The following DCDC1 variants were observed in gnomAD, a reference collection of about 807,000 sequenced individuals.
The protein encoded by DCDC1 is doublecortin domain-containing protein 1.
Under a neutral mutation model 178.3 loss-of-function variants are expected in DCDC1, and 200 were observed. The observed-to-expected ratio is 1.12, with a 90% CI of 1.00 to 1.26. The LOEUF (loss-of-function observed/expected upper bound fraction) is 1.26, where lower values mean the gene tolerates loss of function less well. Ranked by LOEUF, DCDC1 falls within the 50% of genes most tolerant of loss-of-function variation. The pLI is 0.00. For missense variants in DCDC1, 1,983 were observed against 1,749.2 expected (o/e 1.13, Z -2.38); for synonymous variants, 690 against 604.8 (o/e 1.14, Z -2.07).
intron 7 of DCDC1, among the ~76,000 whole-genome samples, chr11:31,268,010 G>A (rs916565882): frequency 2.0e-5 from 3 of 152,180 alleles, no homozygotes; most frequent in Non-Finnish European, 4.4e-5. Flanking sequence ...AGCCAATCAT[G>A]TCTGAATACT....
intron 20 of DCDC1, among the ~76,000 whole-genome samples, chr11:31,044,231 A>G (rs1407230999): frequency 2.6e-5 from 4 of 152,106 alleles, no homozygotes; most frequent in Admixed American, 2.6e-4. Flanking sequence ...TAATCCCAGC[A>G]CTTTGGGAGG....
chr11:31,116,558 C>A (rs1176119906), intron 11 of DCDC1, among the ~76,000 whole-genome samples: 2 of 151,874 alleles, frequency 1.3e-5, no homozygotes, highest in Non-Finnish European at 2.9e-5. Context: ...ATATTTTTGA[C>A]ATTTTCTCAA....
At chr11:30,944,218 T>C (rs1248692660) in intron 21 of DCDC1, 2 of 430,438 alleles carry the variant, frequency 4.6e-6, no homozygotes, top group Non-Finnish European at 9.2e-6. Context: ...CCTTTATTCA[T>C]CAACTCTGTC....
intron 9 of DCDC1, among the ~76,000 whole-genome samples, chr11:31,157,263 C>T (rs2136135736): frequency 6.7e-6 from 1 of 149,556 alleles, no homozygotes; most frequent in South Asian, 2.1e-4. Flanking sequence ...TGGTAGCACA[C>T]ACCTGTAGTC....
chr11:31,323,229 T>G (rs1042691535), intron 3 of DCDC1, among the ~76,000 whole-genome samples: 1 of 152,206 alleles, frequency 6.6e-6, no homozygotes, highest in African/African-American at 2.4e-5. Context: ...GCGGCTACTT[T>G]GACAGACCCT....
At position 30,957,899 on chromosome 11, in the gene DCDC1, T is replaced by C. The variant is rs559810728; in HGVS notation, c.2592-5331A>G. Among the ~76,000 whole-genome samples the C allele has an allele frequency of 3.9e-5, 6 of 152,310 alleles. No homozygotes were observed. The East Asian group carries it at 1.2e-3, about 29-fold the overall frequency. On this transcript the variant is annotated intron_variant, in intron 20 of 38. Coordinates refer to ENST00000684477, the MANE Select transcript of DCDC1 (RefSeq NM_001387274.1). ...ATTCCTCTCCCTTAACTTACACCTA[T>C]GGCCTGAAGACAGTTTCTCTATGAC...
At chr11:30,994,672 A>C (rs189817072) in intron 20 of DCDC1, among the ~76,000 whole-genome samples, 35 of 145,406 alleles carry the variant, frequency 2.4e-4, no homozygotes, top group Middle Eastern at 3.6e-3. Context: ...TATATAATAT[A>C]TAATATATAA....
At chr11:31,069,300 G>A (rs574155369) in intron 18 of DCDC1, among the ~76,000 whole-genome samples, 3 of 152,046 alleles carry the variant, frequency 2.0e-5, no homozygotes, top group African/African-American at 7.2e-5. Flanking sequence ...CAAAACATTA[G>A]CAAAAAGAAG....
chr11:30,923,466 A>T (rs1946390681), intron 23 of DCDC1, among the ~76,000 whole-genome samples: 1 of 145,004 alleles, frequency 6.9e-6, no homozygotes, highest in Non-Finnish European at 1.5e-5. Context: ...TATTTCTTTA[A>T]AGATGAGAAA....
chr11:31,102,832 T>G (rs1196755873), intron 14 of DCDC1, among the ~76,000 whole-genome samples: 1 of 152,182 alleles, frequency 6.6e-6, no homozygotes, highest in Non-Finnish European at 1.5e-5. Flanking sequence ...GTGTCCATCA[T>G]CACAGAAAGT....
chr11:31,259,923 C>T (rs1410584888), intron 8 of DCDC1, among the ~76,000 whole-genome samples: 1 of 152,144 alleles, frequency 6.6e-6, no homozygotes, highest in East Asian at 1.9e-4. Flanking sequence ...CTGGAAACAT[C>T]ATTTTGCATG....
chr11:31,024,695 T>A (rs1201959135), intron 20 of DCDC1, among the ~76,000 whole-genome samples: 1 of 152,064 alleles, frequency 6.6e-6, no homozygotes, highest in East Asian at 1.9e-4. Flanking sequence ...ATTTCTAGAA[T>A]TTTAAAAATG....
At chr11:31,270,831 G>C (rs927950382) in intron 7 of DCDC1, among the ~76,000 whole-genome samples, 2 of 152,138 alleles carry the variant, frequency 1.3e-5, no homozygotes, top group African/African-American at 4.8e-5. Context: ...CTCAATCTTA[G>C]ATAACTTTTA....
At chr11:31,347,111 A>G (rs1041557466) in intron 1 of DCDC1, among the ~76,000 whole-genome samples, 1 of 152,222 alleles carries the variant, frequency 6.6e-6, no homozygotes, top group African/African-American at 2.4e-5. Context: ...GTTCTAGACA[A>G]TAACTACCTC....
At chr11:31,164,742 T>C (rs751320501) in intron 9 of DCDC1, among the ~76,000 whole-genome samples, 3 of 152,148 alleles carry the variant, frequency 2.0e-5, no homozygotes, top group Non-Finnish European at 4.4e-5. Context: ...TTATTAAAGA[T>C]ATAAAATTGT....
At chr11:30,971,310 T>A (rs751175070) in intron 20 of DCDC1, among the ~76,000 whole-genome samples, 1 of 151,940 alleles carries the variant, frequency 6.6e-6, no homozygotes. Context: ...AATTCTCCAG[T>A]AAGAGTCTAG....
intron 20 of DCDC1, among the ~76,000 whole-genome samples, chr11:30,978,888 T>C (rs530380083): frequency 3.9e-5 from 6 of 152,000 alleles, no homozygotes; most frequent in African/African-American, 1.4e-4. Context: ...TCAACTCTTT[T>C]AGCTCCCATA....
intron 20 of DCDC1, among the ~76,000 whole-genome samples, chr11:31,044,123 T>A (rs1954660189): frequency 6.6e-6 from 1 of 151,630 alleles, no homozygotes; most frequent in African/African-American, 2.4e-5. Context: ...CTTACATGAG[T>A]CCGTTTAAAC....
chr11:31,322,170 C>T (rs1027989429), intron 3 of DCDC1, among the ~76,000 whole-genome samples: 1 of 152,212 alleles, frequency 6.6e-6, no homozygotes, highest in African/African-American at 2.4e-5. Flanking sequence ...ACATCTGCTA[C>T]ATTTCCACAG....
Sources: gnomAD v4.1 joint callset for allele counts (sites outside exome capture counted in the v4.1 genomes callset) on GRCh38, gnomAD v4.1.1 for gene constraint, MANE v1.5 for transcripts, NCBI Gene and HGNC (gene_info 2026-07-23, HGNC 2026-07-21) for gene names.